Variants in MOSPD2 observed in about 807,000 individuals in gnomAD.
The protein encoded by MOSPD2 is motile sperm domain-containing protein 2.
Under a neutral mutation model 41.7 loss-of-function variants are expected in MOSPD2, and 5 were observed. The ratio of observed to expected loss-of-function variants is 0.12; its 90% confidence interval spans 0.06 to 0.25. The LOEUF is 0.25. Ranked by LOEUF, MOSPD2 falls within the 10% of genes least tolerant of loss-of-function variation. The probability of loss-of-function intolerance (pLI) is 1.00; values close to 1 mark genes in which losing one functional copy is unlikely to be tolerated. For synonymous variants in MOSPD2, 115 were observed against 126.9 expected, an observed-to-expected ratio of 0.91 and a Z score of 0.63; for missense variants, 282 against 375.2, an observed-to-expected ratio of 0.75 and a Z score of 2.05.
Position 14,914,551 on chromosome X carries a change from A to G in MOSPD2, c.1041A>G (p.Lys347=). Reference sequence around the variant, plus strand: ...GAAGTACAGAATCCGGAGAGAAGAAAACCTTAATAGTGTTGACAAATGTAA... The same window carrying G: ...GAAGTACAGAATCCGGAGAGAAGAAGACCTTAATAGTGTTGACAAATGTAA... ...YFGSTESGEK[K]TLIVLTNVTK... Residue 347 remains lysine (K), a synonymous_variant, in exon 11 of 15, where the codon AAA becomes AAG. Transcript: ENST00000380492. The G allele has an allele frequency of 5.0e-6, 6 of 1,192,636 alleles. No homozygotes were observed. Among genetic ancestry groups the G allele is most frequent in the Non-Finnish European group, 6.8e-6 (6 of 882,361 alleles).
chrX:14,874,972 T>C (rs1486488041), intron 2 of MOSPD2, among the ~76,000 whole-genome samples: 1 of 112,184 alleles, frequency 8.9e-6, no homozygotes, highest in Non-Finnish European at 1.9e-5. Flanking sequence ...ATACATGGTT[T>C]ATAATATTTT....
At chrX:14,904,588 T>C (rs2092578671) in intron 7 of MOSPD2, among the ~76,000 whole-genome samples, 1 of 111,742 alleles carries the variant, frequency 8.9e-6, no homozygotes, top group African/African-American at 3.3e-5. Flanking sequence ...AGTGAAGGAC[T>C]CTGAGAACTC....
Position 14,920,350 on chromosome X carries a change from T to C in MOSPD2, c.*541T>C, listed in dbSNP as rs888686514. The C allele has an allele frequency of 2.7e-6, 2 of 751,881 alleles. No homozygotes were observed. The highest frequency in any genetic ancestry group is 3.1e-6 in the Non-Finnish European group (2 of 637,953). The allele number at this position is 751,881 out of a possible 1,213,427, so 62.0% of individuals were successfully genotyped here. Reference sequence around the variant, plus strand: ...TTTTGAGAATTCCTCCCAGTGATGGTCAGTATTCTTTTGGAATGTAAACCG... The same window carrying C: ...TTTTGAGAATTCCTCCCAGTGATGGCCAGTATTCTTTTGGAATGTAAACCG... On this transcript the variant is annotated 3_prime_UTR_variant, in exon 15 of 15. Transcript: ENST00000380492.
At chrX:14,904,458 G>A (rs1324502469) in intron 7 of MOSPD2, among the ~76,000 whole-genome samples, 1 of 111,601 alleles carries the variant, frequency 9.0e-6, no homozygotes, top group Non-Finnish European at 1.9e-5. Context: ...AACGTAAGGT[G>A]CAAAGAGTTG....
intron 5 of MOSPD2, among the ~76,000 whole-genome samples, chrX:14,900,205 A>G (rs2092570715): frequency 8.9e-6 from 1 of 112,290 alleles, no homozygotes; most frequent in African/African-American, 3.2e-5. Flanking sequence ...TATAAACTGT[A>G]TACTTGTTTC....
chrX:14,912,788 A>G (rs2092594081), intron 10 of MOSPD2, among the ~76,000 whole-genome samples: 1 of 111,733 alleles, frequency 8.9e-6, no homozygotes, highest in African/African-American at 3.3e-5. Context: ...GGACATCTCT[A>G]TTTTTCTGCT....
rs777033132 is a variant in MOSPD2, at chrX:14,908,843, G to A, written c.578-17G>A. On this transcript the variant is annotated splice_polypyrimidine_tract_variant and intron_variant, in intron 7 of 14. Coordinates refer to ENST00000380492, the MANE Select transcript of MOSPD2 (RefSeq NM_152581.4). Reference sequence around the variant, plus strand: ...GGAATGATGAGAATTTTAATGAAGTGACTGGTTTTTCTTCAGCTGCTTTCA... The same window carrying A: ...GGAATGATGAGAATTTTAATGAAGTAACTGGTTTTTCTTCAGCTGCTTTCA... 1.7e-6 allele frequency: 2 copies of A among 1,172,703 alleles called. No homozygotes were observed. The highest frequency in any genetic ancestry group is 2.3e-6 in the Non-Finnish European group (2 of 869,639).
At chrX:14,910,155 C>T (rs7064292) in intron 8 of MOSPD2, among the ~76,000 whole-genome samples, 1 of 108,616 alleles carries the variant, frequency 9.2e-6, no homozygotes, top group South Asian at 3.8e-4. Context: ...TATTTTTTTT[C>T]AAAAAATAAT....
chrX:14,886,000 A>G (rs1315785920), intron 2 of MOSPD2, among the ~76,000 whole-genome samples: 1 of 111,571 alleles, frequency 9.0e-6, no homozygotes, highest in Non-Finnish European at 1.9e-5. Context: ...CTTACTGTGT[A>G]TTGGGCAGAG....
At chrX:14,896,421 C>T (rs1038010245) in intron 4 of MOSPD2, among the ~76,000 whole-genome samples, 22 of 111,846 alleles carry the variant, frequency 2.0e-4, no homozygotes, top group African/African-American at 6.5e-4. Flanking sequence ...GCTACTTCCT[C>T]AATTCAGTTT....
chrX:14,915,225 G>A (rs2092598222), intron 11 of MOSPD2, among the ~76,000 whole-genome samples: 1 of 111,873 alleles, frequency 8.9e-6, no homozygotes, highest in Non-Finnish European at 1.9e-5. Flanking sequence ...TTAAATTCAG[G>A]CAATTAACAG....
intron 2 of MOSPD2, among the ~76,000 whole-genome samples, chrX:14,879,565 C>T (rs189887647): frequency 9.0e-6 from 1 of 111,045 alleles, no homozygotes; most frequent in African/African-American, 3.3e-5. Flanking sequence ...AAATATAACC[C>T]ATATCAACAA....
rs1485103067 is a variant in MOSPD2, at chrX:14,908,869, A to G, written c.587A>G (p.Lys196Arg). ...DMPWLMNAAF[K>R]IVKTWLGPEA... ...ACTGGTTTTTCTTCAGCTGCTTTCA[A>G]AATTGTGAAAACCTGGCTTGGTCCA... Residue 196 changes from lysine to arginine, a missense_variant, in exon 8 of 15, where the codon AAA becomes AGA. Physicochemically the swap from Lys to Arg is conservative, Grantham distance 26. Transcript: ENST00000380492. The G allele has an allele frequency of 8.4e-7, 1 of 1,184,770 alleles. No individual in the cohort carries two copies. Among genetic ancestry groups the G allele is most frequent in the Non-Finnish European group, 1.1e-6 (1 of 878,055 alleles).
rs372456717 is a variant in MOSPD2 at position 14,892,739 on chromosome X, T to C, written c.96T>C (p.Tyr32=). Residue 32 remains tyrosine, a synonymous_variant, in exon 3 of 15, where the codon TAT becomes TAC. Coordinates refer to ENST00000380492, the MANE Select transcript of MOSPD2 (RefSeq NM_152581.4). The part of the protein sequence containing the change: ...AEYVTDKSDK[Y]DARDVERLQQ... ...TTTCCCTAGATAAGTCAGATAAATA[T>C]GATGCACGTGATGTTGAAAGGCTAC... 189 of 1,197,434 alleles carry C rather than the reference T, an allele frequency of 1.6e-4. 1 individual carries two copies. Among genetic ancestry groups the C allele is most frequent in the Middle Eastern group, 1.4e-3 (6 of 4,291 alleles).
intron 2 of MOSPD2, among the ~76,000 whole-genome samples, chrX:14,886,214 T>G (rs2092540901): frequency 9.0e-6 from 1 of 111,578 alleles, no homozygotes; most frequent in Non-Finnish European, 1.9e-5. Context: ...AGGGAATGAT[T>G]GTAGATAGTG....
At chrX:14,884,860 C>T (rs907963413) in intron 2 of MOSPD2, among the ~76,000 whole-genome samples, 3 of 110,819 alleles carry the variant, frequency 2.7e-5, no homozygotes, top group Non-Finnish European at 5.7e-5. Flanking sequence ...TAAAAGGAAC[C>T]GTAAAAGGGT....
intron 2 of MOSPD2, among the ~76,000 whole-genome samples, chrX:14,875,552 G>A (rs2092518574): frequency 8.9e-6 from 1 of 111,797 alleles, no homozygotes; most frequent in East Asian, 2.8e-4. Flanking sequence ...TGTGACTCTC[G>A]ATGTATTTTT....
At position 14,922,183 on chromosome X, in the gene MOSPD2, G is replaced by A. The variant is rs1478736609; in HGVS notation, c.*2374G>A. The A allele has an allele frequency of 1.8e-5, 2 of 110,887 alleles. No individual in the cohort carries two copies. Among genetic ancestry groups the A allele is most frequent in the African/African-American group, 6.6e-5 (2 of 30,508 alleles). 9.1% of individuals were successfully genotyped at this position (110,887 alleles called of 1,213,427 possible). A position where few individuals can be genotyped will look rare whatever the true frequency, so the allele number is the denominator to read the frequency against. On this transcript the variant is annotated 3_prime_UTR_variant, in exon 15 of 15. Coordinates refer to ENST00000380492, the MANE Select transcript of MOSPD2 (RefSeq NM_152581.4). The stretch of plus-strand genomic sequence containing the variant: ...CCAGTGTAATTTCTCTAATGTTCTG[G>A]TGCTTTTCATATATTTTCAGTATTT...
intron 7 of MOSPD2, among the ~76,000 whole-genome samples, chrX:14,903,340 T>C (rs946384282): frequency 2.6e-4 from 18 of 69,432 alleles, no homozygotes; most frequent in Non-Finnish European, 5.1e-4. Flanking sequence ...GATACCCATC[T>C]CTTAAAAAAA....
Sources: allele counts gnomAD v4.1 joint callset (sites outside exome capture counted in the v4.1 genomes callset), GRCh38; gene constraint gnomAD v4.1.1; transcripts MANE v1.5; gene names NCBI Gene and HGNC (gene_info 2026-07-23, HGNC 2026-07-21).